Variants in SEL1L2 observed in about 807,000 individuals in gnomAD.
SEL1L2 encodes protein sel-1 homolog 2.
SEL1L2 carries 89 observed loss-of-function variants against 98.8 expected under a neutral mutation model. The ratio of observed to expected loss-of-function variants is 0.90; its 90% CI spans 0.76 to 1.07. The LOEUF is 1.07. SEL1L2 is among the 50% of genes least tolerant of loss of function. The pLI is 0.00. For missense variants in SEL1L2, 788 were observed against 812.0 expected (o/e 0.97, Z 0.36); for synonymous variants, 262 against 278.5 (o/e 0.94, Z 0.59).
In SEL1L2 at chr20:13,865,347, A is replaced by G; in HGVS notation, c.1570+2T>C. The G allele has an allele frequency of 6.2e-7, 1 of 1,613,980 alleles. No homozygotes were observed. The highest frequency in any genetic ancestry group is 1.1e-5 in the South Asian group (1 of 91,074). On this transcript the variant is annotated splice_donor_variant, in intron 16 of 19. Coordinates refer to ENST00000284951, the MANE Select transcript of SEL1L2 (RefSeq NM_025229.2). LOFTEE classifies it high-confidence loss of function. ...ATTGCAGAGAATTTTAACTCATCTTACTAGATTCCAAAATGAATGCTGAAT... is the reference window on the plus strand; with the variant it reads ...ATTGCAGAGAATTTTAACTCATCTTGCTAGATTCCAAAATGAATGCTGAAT...
intron 1 of SEL1L2, among the ~76,000 whole-genome samples, chr20:13,956,350 A>G (rs1241985994): frequency 6.6e-6 from 1 of 152,172 alleles, no homozygotes; most frequent in African/African-American, 2.4e-5. Context: ...GACAATCTAT[A>G]TACTTTAATC....
chr20:13,888,085 T>C, intron 6 of SEL1L2, 84 bp from the exon 7 acceptor site: 2 of 1,146,284 alleles, frequency 1.7e-6, no homozygotes, highest in Admixed American at 1.9e-5. Flanking sequence ...ATTCCATTTT[T>C]ATTCCTAGCT....
At position 13,850,286 on chromosome 20, in the gene SEL1L2, C is replaced by G. The variant is rs377665267; in HGVS notation, c.1852G>C (p.Ala618Pro). The change falls in exon 19 of 20, where the codon GCT (alanine) becomes CCT (proline). Residue 618 changes from alanine (A) to proline (P), a missense_variant. By Grantham distance (27) the Ala-to-Pro change is conservative. Transcript: ENST00000284951. ...TGGGCATCTGGACTCGTTTGAGCAG[C>G]CATGTCGTACAATCTTCTGGCCAAG... ...IHLARRLYDM[A>P]AQTSPDAHIP... The G allele has an allele frequency of 1.2e-6, 2 of 1,613,932 alleles. No individual in the cohort carries two copies. Among genetic ancestry groups the G allele is most frequent in the Non-Finnish European group, 8.5e-7 (1 of 1,179,938 alleles).
chr20:13,888,569 A>G (rs34529022), intron 5 of SEL1L2, 57 bp from the exon 6 acceptor site: 66,665 of 880,984 alleles, frequency 0.076, 2,950 homozygotes, highest in African/African-American at 0.095. Context: ...CTAATTATCT[A>G]TATGGATAAG....
At chr20:13,942,153 A>G (rs1319739722) in intron 2 of SEL1L2, among the ~76,000 whole-genome samples, 1 of 152,194 alleles carries the variant, frequency 6.6e-6, no homozygotes, top group South Asian at 2.1e-4. Context: ...GTTTAGGTAA[A>G]TGAATGAGAT....
chr20:13,882,514 T>C (rs756935065), intron 10 of SEL1L2, among the ~76,000 whole-genome samples: 1 of 152,190 alleles, frequency 6.6e-6, no homozygotes, highest in African/African-American at 2.4e-5. Context: ...CTTGGGCCAG[T>C]TGGCTAAAGC....
intron 1 of SEL1L2, among the ~76,000 whole-genome samples, chr20:13,970,197 G>C (rs73612327): frequency 2.0e-5 from 3 of 152,052 alleles, no homozygotes; most frequent in African/African-American, 7.2e-5. Context: ...TCAAAGAATC[G>C]CAAGTTTGGA....
Position 13,893,794 on chromosome 20 carries a change from C to T in SEL1L2, c.550-5282G>A, listed in dbSNP as rs148295409. Among the ~76,000 whole-genome samples, 856 of 152,226 alleles carry T rather than the reference C, an allele frequency of 5.6e-3. 6 individuals are homozygous for T. The highest frequency in any genetic ancestry group is 9.9e-3 in the Non-Finnish European group (672 of 68,008). On this transcript the variant is annotated intron_variant, in intron 5 of 19. Transcript: ENST00000284951. Reference sequence around the variant, plus strand: ...ATATTTTGGGACAGAAAACAAGTCTCAACAAATTTAAGAATATTTAAATCA... The same window carrying T: ...ATATTTTGGGACAGAAAACAAGTCTTAACAAATTTAAGAATATTTAAATCA...
chr20:13,881,509 A>C (rs1038315298), intron 10 of SEL1L2, among the ~76,000 whole-genome samples: 1 of 152,168 alleles, frequency 6.6e-6, no homozygotes, highest in Non-Finnish European at 1.5e-5. Flanking sequence ...CGCTTTCCTA[A>C]TCCAATTTAT....
intron 5 of SEL1L2, among the ~76,000 whole-genome samples, chr20:13,903,510 A>G (rs1036008593): frequency 6.6e-5 from 10 of 152,320 alleles, no homozygotes; most frequent in South Asian, 2.1e-4. Flanking sequence ...CTTTCTTTCT[A>G]TCCTTCTTAT....
At chr20:13,987,025 G>C (rs1225434398) in intron 1 of SEL1L2, among the ~76,000 whole-genome samples, 1 of 152,070 alleles carries the variant, frequency 6.6e-6, no homozygotes, top group Non-Finnish European at 1.5e-5. Context: ...TAGAAACGGG[G>C]TTTCACCTTG....
At chr20:13,952,758 G>A (rs866563558) in intron 2 of SEL1L2, among the ~76,000 whole-genome samples, 2 of 70,234 alleles carry the variant, frequency 2.8e-5, no homozygotes, top group Non-Finnish European at 3.7e-5. Flanking sequence ...GGCTGGGCGC[G>A]GTGCCTGGAC....
intron 10 of SEL1L2, 63 bp from the exon 11 acceptor site, chr20:13,877,651 G>T: frequency 7.5e-7 from 1 of 1,338,888 alleles, no homozygotes. Flanking sequence ...ATAGCTTTTT[G>T]AACCAAACTT....
At chr20:13,993,523 A>C (rs2052576022), upstream of SEL1L2, among the ~76,000 whole-genome samples, 1 of 152,194 alleles carries the variant, frequency 6.6e-6, no homozygotes, top group African/African-American at 2.4e-5. Flanking sequence ...ACATACTTTT[A>C]ATGTGCTTTC....
intron 2 of SEL1L2, among the ~76,000 whole-genome samples, chr20:13,946,753 C>A (rs6042445): frequency 0.66 from 100,451 of 151,956 alleles, 34,135 homozygotes; most frequent in East Asian, 0.78. Flanking sequence ...ATCCCGCAGG[C>A]TTGGAAGTGC....
chr20:13,916,952 G>C (rs1402412730), intron 4 of SEL1L2, among the ~76,000 whole-genome samples: 1 of 152,118 alleles, frequency 6.6e-6, no homozygotes, highest in Non-Finnish European at 1.5e-5. Context: ...TATTAGGACT[G>C]GGCTTTCTCC....
intron 12 of SEL1L2, 90 bp downstream of exon 12, chr20:13,875,948 G>T: frequency 1.0e-6 from 1 of 975,456 alleles, no homozygotes; most frequent in Non-Finnish European, 1.7e-6. Context: ...ATCTGGGCTT[G>T]GGACTTCGAA....
intron 18 of SEL1L2, chr20:13,851,255 T>C (rs1988209503): frequency 6.6e-6 from 1 of 152,138 alleles, no homozygotes; most frequent in African/African-American, 2.4e-5. Context: ...TACAGTTCTC[T>C]AAAATAAGTC....
At chr20:13,958,645 T>G (rs1168151398) in intron 1 of SEL1L2, among the ~76,000 whole-genome samples, 2 of 152,050 alleles carry the variant, frequency 1.3e-5, no homozygotes, top group Non-Finnish European at 2.9e-5. Flanking sequence ...CAAGAAGTTC[T>G]GCATAGGAGG....
Sources: gnomAD v4.1 joint callset for allele counts (sites outside exome capture counted in the v4.1 genomes callset) on GRCh38, gnomAD v4.1.1 for gene constraint, MANE v1.5 for transcripts, NCBI Gene and HGNC (gene_info 2026-07-23, HGNC 2026-07-21) for gene names.